Variants in BCHE observed in about 807,000 individuals in gnomAD.
BCHE encodes cholinesterase.
A neutral mutation model predicts 51.3 loss-of-function variants in BCHE; 48 were observed. That is an observed-to-expected ratio of 0.94 (90% CI 0.74 to 1.19). The LOEUF (loss-of-function observed/expected upper bound fraction) is 1.19, where lower values mean the gene tolerates loss of function less well. BCHE is among the 50% of genes most tolerant of loss of function. The pLI is 0.00. For missense variants in BCHE, 847 were observed against 708.2 expected (o/e 1.20, Z -2.23); for synonymous variants, 251 against 238.0 (o/e 1.05, Z -0.50).
At chr3:165,789,027 A>T (rs976236674) in intron 2 of BCHE, among the ~76,000 whole-genome samples, 40 of 152,148 alleles carry the variant, frequency 2.6e-4, no homozygotes, top group African/African-American at 8.9e-4. Flanking sequence ...CACAATTCCA[A>T]AACACTACAT....
chr3:165,794,657 C>T (rs1317389482), intron 2 of BCHE, among the ~76,000 whole-genome samples: 2 of 152,132 alleles, frequency 1.3e-5, no homozygotes, highest in Non-Finnish European at 2.9e-5. Context: ...CAAGGCCCAA[C>T]CTCCTAATAC....
chr3:165,837,396 T>C lies in BCHE; in HGVS notation c.-91A>G. Reference sequence around the variant, plus strand: ...TCGGGGAAATGCAGGATGCAGCTGCTGCTCCAGCCTGTAAATTGGACTGCA... The same window carrying C: ...TCGGGGAAATGCAGGATGCAGCTGCCGCTCCAGCCTGTAAATTGGACTGCA... On this transcript the variant is annotated 5_prime_UTR_variant, in exon 1 of 4. Coordinates refer to ENST00000264381, the MANE Select transcript of BCHE (RefSeq NM_000055.4). 1 of 1,289,778 alleles carries C rather than the reference T, an allele frequency of 7.8e-7. No individual in the cohort carries two copies. The highest frequency in any genetic ancestry group is 1.0e-6 in the Non-Finnish European group (1 of 988,830). 79.9% of individuals were successfully genotyped at this position (1,289,778 alleles called of 1,614,324 possible). A position where few individuals can be genotyped will look rare whatever the true frequency, so the allele number is the denominator to read the frequency against.
At chr3:165,822,440 T>C (rs1467362443) in intron 2 of BCHE, among the ~76,000 whole-genome samples, 1 of 152,078 alleles carries the variant, frequency 6.6e-6, no homozygotes, top group Non-Finnish European at 1.5e-5. Flanking sequence ...CAATTTTCTG[T>C]CAATGACAAG....
intron 1 of BCHE, among the ~76,000 whole-genome samples, chr3:165,834,889 C>A (rs1197700859): frequency 6.6e-6 from 1 of 151,878 alleles, no homozygotes; most frequent in Non-Finnish European, 1.5e-5. Context: ...TGGATACTGT[C>A]TCACATGATT....
intron 2 of BCHE, among the ~76,000 whole-genome samples, chr3:165,795,482 T>C (rs574942823): frequency 2.0e-5 from 3 of 152,290 alleles, no homozygotes; most frequent in South Asian, 2.1e-4. Context: ...CAGCTGTGCA[T>C]AGAGAATGTA....
At position 165,830,065 on chromosome 3, in the gene BCHE, A is replaced by T. The variant is rs1714897501; in HGVS notation, c.969T>A (p.Asp323Glu). 1 of 1,613,750 alleles carries T rather than the reference A, an allele frequency of 6.2e-7. No homozygotes were observed. The highest frequency in any genetic ancestry group is 8.5e-7 in the Non-Finnish European group (1 of 1,179,876). The change falls in exon 2 of 4, where the codon GAT becomes GAA. Residue 323 changes from aspartate (D) to glutamate (E), a missense_variant. Physicochemically the swap from Asp to Glu is conservative, Grantham distance 45. Transcript: ENST00000264381. ...PLSVNFGPTV[D>E]GDFLTDMPDI... ...CTGGCATGTCAGTGAGAAAATCACC[A>T]TCCACGGTCGGACCAAAGTTTACTG...
chr3:165,832,225 A>G (rs184151424), intron 1 of BCHE, among the ~76,000 whole-genome samples: 65 of 152,334 alleles, frequency 4.3e-4, no homozygotes, highest in African/African-American at 1.3e-3. Context: ...TAAAAAAGAA[A>G]TTAAAAATCA....
intron 2 of BCHE, among the ~76,000 whole-genome samples, chr3:165,791,549 G>A (rs1169433763): frequency 6.6e-6 from 1 of 152,190 alleles, no homozygotes; most frequent in Non-Finnish European, 1.5e-5. Flanking sequence ...GAGGAAAGGA[G>A]CAGGCAAGGT....
intron 2 of BCHE, among the ~76,000 whole-genome samples, chr3:165,799,151 T>A (rs998157168): frequency 1.3e-4 from 20 of 152,142 alleles, no homozygotes; most frequent in Admixed American, 4.6e-4. Context: ...TTATTTGAAA[T>A]CTTTACAAAA....
chr3:165,786,656 C>T (rs1225240716), intron 2 of BCHE, among the ~76,000 whole-genome samples: 1 of 151,660 alleles, frequency 6.6e-6, no homozygotes, highest in African/African-American at 2.4e-5. Flanking sequence ...ATTATCTTCC[C>T]TTATCCTAGG....
At chr3:165,781,590 G>C (rs1239946952) in intron 3 of BCHE, among the ~76,000 whole-genome samples, 1 of 149,780 alleles carries the variant, frequency 6.7e-6, no homozygotes, top group African/African-American at 2.5e-5. Context: ...GGGGCCAGTC[G>C]GGGGTGGAGG....
chr3:165,776,427 T>C (rs541318882), intron 3 of BCHE, among the ~76,000 whole-genome samples: 1 of 152,000 alleles, frequency 6.6e-6, no homozygotes, highest in Admixed American at 6.6e-5. Context: ...TCCACAAATA[T>C]AATGATAATA....
intron 2 of BCHE, among the ~76,000 whole-genome samples, chr3:165,825,441 T>C (rs1266236252): frequency 6.6e-6 from 1 of 151,738 alleles, no homozygotes; most frequent in East Asian, 1.9e-4. Flanking sequence ...AAATATTTAT[T>C]TGATAAGATG....
chr3:165,786,669 C>T (rs1338012673), intron 2 of BCHE, among the ~76,000 whole-genome samples: 1 of 151,606 alleles, frequency 6.6e-6, no homozygotes, highest in Non-Finnish European at 1.5e-5. Flanking sequence ...ATCCTAGGCC[C>T]AAAAATTTCA....
intron 2 of BCHE, among the ~76,000 whole-genome samples, chr3:165,817,475 A>G (rs1345117152): frequency 6.6e-6 from 1 of 151,952 alleles, no homozygotes; most frequent in Admixed American, 6.6e-5. Context: ...GGCTCTTTGT[A>G]CTTCTCTGAC....
intron 2 of BCHE, among the ~76,000 whole-genome samples, chr3:165,820,207 GA>G (rs1457729093): frequency 6.6e-6 from 1 of 151,652 alleles, no homozygotes; most frequent in Non-Finnish European, 1.5e-5. Flanking sequence ...CCCTTTGGGG[GA>G]CATCGGATTT....
chr3:165,812,419 A>T (rs1714137114), intron 2 of BCHE, among the ~76,000 whole-genome samples: 1 of 151,956 alleles, frequency 6.6e-6, no homozygotes. Context: ...TGGCATGATA[A>T]TCTAACCATT....
chr3:165,820,660 C>T (rs937900273), intron 2 of BCHE, among the ~76,000 whole-genome samples: 1 of 151,814 alleles, frequency 6.6e-6, no homozygotes, highest in Non-Finnish European at 1.5e-5. Context: ...CTCTGGAAGC[C>T]ACGTGAACTA....
chr3:165,830,504 C>T lies in BCHE; in HGVS notation c.530G>A (p.Gly177Asp), dbSNP rs1187089608. ...VIVVSMNYRV[G>D]ALGFLALPGN... ...TGGCAAAGCTAAGAATCCTAGGGCA[C>T]CCACCCTATAGTTCATTGACACTAC... Residue 177 changes from glycine (G) to aspartate (D), a missense_variant, in exon 2 of 4, where the codon GGT becomes GAT. Coordinates refer to ENST00000264381, the MANE Select transcript of BCHE (RefSeq NM_000055.4). 1.2e-6 allele frequency: 2 copies of T among 1,613,772 alleles called. No individual in the cohort carries two copies. The highest frequency in any genetic ancestry group is 2.7e-5 in the African/African-American group (2 of 74,906).
Sources: allele counts gnomAD v4.1 joint callset (sites outside exome capture counted in the v4.1 genomes callset), GRCh38; gene constraint gnomAD v4.1.1; transcripts MANE v1.5; gene names NCBI Gene and HGNC (gene_info 2026-07-23, HGNC 2026-07-21).